The following PTGES3L variants were observed in gnomAD, a reference collection of about 807,000 sequenced individuals.
The protein encoded by PTGES3L is putative protein PTGES3L.
PTGES3L carries 17 observed loss-of-function variants against 25.0 expected under a neutral mutation model. The ratio of observed to expected loss-of-function variants is 0.68; its 90% CI spans 0.47 to 1.02. The LOEUF is 1.02. Among genes scored for constraint, PTGES3L ranks in the 50% least tolerant of loss-of-function variants. The probability of loss-of-function intolerance (pLI) is 0.00; values close to 1 mark genes in which losing one functional copy is unlikely to be tolerated. For missense variants in PTGES3L, 202 were observed against 197.5 expected, an observed-to-expected ratio of 1.02 and a Z score of -0.14; for synonymous variants, 59 against 65.7, an observed-to-expected ratio of 0.90 and a Z score of 0.50.
chr17:42,969,188 T>TG lies in PTGES3L; in HGVS notation c.433-3dup, dbSNP rs747833167. Reference sequence around the variant, plus strand: ...ATCATCAGCACTGTCAGAATCATCCTGGGGGCGGGGGGGAAAAAAGACAAA... The same window carrying TG: ...ATCATCAGCACTGTCAGAATCATCCTGGGGGGCGGGGGGGAAAAAAGACAAA... On this transcript the variant is annotated splice_polypyrimidine_tract_variant and splice_region_variant and intron_variant, in intron 6 of 6. Transcript: ENST00000591916. 3 of 1,012,020 alleles carry TG rather than the reference T, an allele frequency of 3.0e-6. No individual in the cohort carries two copies. The highest frequency in any genetic ancestry group is 3.4e-5 in the African/African-American group (1 of 29,304). 62.7% of individuals were successfully genotyped at this position (1,012,020 alleles called of 1,614,324 possible). A position where few individuals can be genotyped will look rare whatever the true frequency, so the allele number is the denominator to read the frequency against.
chr17:42,973,223 C>T (rs2049885802), intron 4 of PTGES3L, among the ~76,000 whole-genome samples: 2 of 148,644 alleles, frequency 1.3e-5, no homozygotes, highest in African/African-American at 2.5e-5. Context: ...CGGCCAGCCG[C>T]CCCGTCCGGG....
At chr17:42,973,422 G>A (rs1419028574) in intron 4 of PTGES3L, among the ~76,000 whole-genome samples, 6 of 147,898 alleles carry the variant, frequency 4.1e-5, no homozygotes, top group African/African-American at 1.2e-4. Context: ...GGTGAGGGGC[G>A]CCTCTGCCCG....
chr17:42,971,828 C>G (rs548557790), intron 4 of PTGES3L, 132 bp from the exon 5 acceptor site: 3 of 728,314 alleles, frequency 4.1e-6, no homozygotes, highest in African/African-American at 3.6e-5. Flanking sequence ...CCCAACTGCA[C>G]TCCTTTGACC....
At chr17:42,970,462 T>A in intron 5 of PTGES3L, 120 bp from the exon 6 acceptor site, 1 of 1,000,362 alleles carries the variant, frequency 1.0e-6, no homozygotes, top group Non-Finnish European at 1.5e-6. Context: ...CTCCCATCTT[T>A]AAAACATCAC....
At chr17:42,972,513 G>C (rs913558863) in intron 4 of PTGES3L, among the ~76,000 whole-genome samples, 5 of 152,164 alleles carry the variant, frequency 3.3e-5, no homozygotes, top group Admixed American at 6.5e-5. Context: ...TGGTGGAGAC[G>C]GGGTTTCGCT....
At chr17:42,969,722 A>G (rs966041247) in intron 6 of PTGES3L, among the ~76,000 whole-genome samples, 3 of 152,004 alleles carry the variant, frequency 2.0e-5, no homozygotes, top group Non-Finnish European at 1.5e-5. Context: ...ATTTTAATTA[A>G]TGCTATTGCT....
chr17:42,977,627 GAAAA>G (rs2049979602), intron 4 of PTGES3L, among the ~76,000 whole-genome samples: 1 of 15,068 alleles, frequency 6.6e-5, no homozygotes. Context: ...AAGAAAAGAA[GAAAA>G]AGAAAGAAAG....
chr17:42,979,296 G>A, intron 3 of PTGES3L, 28 bp from the exon 4 acceptor site: 4 of 1,614,084 alleles, frequency 2.5e-6, no homozygotes, highest in Non-Finnish European at 3.4e-6. Flanking sequence ...TCATTCTTAG[G>A]GTCTGGGGTT....
chr17:42,976,725 C>G (rs1162121615), intron 4 of PTGES3L, among the ~76,000 whole-genome samples: 1 of 152,090 alleles, frequency 6.6e-6, no homozygotes, highest in Non-Finnish European at 1.5e-5. Context: ...AATCTGAGAG[C>G]CAGATCCAGC....
At chr17:42,969,819 C>G (rs892486629) in intron 6 of PTGES3L, among the ~76,000 whole-genome samples, 2 of 151,944 alleles carry the variant, frequency 1.3e-5, no homozygotes, top group Admixed American at 1.3e-4. Context: ...TTTTCTAAAG[C>G]CTGGAGAAGA....
chr17:42,968,977 G>A lies in PTGES3L; in HGVS notation c.*171C>T. ...ATGTGGAGCCATAGTCAAGTGCCTA[G>A]GAGGAAGACAAGCTTGAAGGACGAC... is the stretch of plus-strand genomic sequence containing the variant. On this transcript the variant is annotated 3_prime_UTR_variant, in exon 7 of 7. Coordinates refer to ENST00000591916, the MANE Select transcript of PTGES3L (RefSeq NM_001261430.2). 2 of 569,944 alleles carry A rather than the reference G, an allele frequency of 3.5e-6. No individual in the cohort carries two copies. Among genetic ancestry groups the A allele is most frequent in the Non-Finnish European group, 6.3e-6 (2 of 318,316 alleles). The allele number at this position is 569,944 out of a possible 1,614,324, so 35.3% of individuals were successfully genotyped here. A position where few individuals can be genotyped will look rare whatever the true frequency, so the allele number is the denominator to read the frequency against.
chr17:42,978,077 CAAAAAAAAA>C (rs368420097), intron 4 of PTGES3L, among the ~76,000 whole-genome samples: 10 of 47,402 alleles, frequency 2.1e-4, no homozygotes, highest in African/African-American at 6.2e-4. Flanking sequence ...AACTCCGAAT[CAAAAAAAAA>C]AAAAAAAAAA....
chr17:42,971,225 G>C (rs1212069315), intron 5 of PTGES3L, among the ~76,000 whole-genome samples: 1 of 151,638 alleles, frequency 6.6e-6, no homozygotes, highest in Non-Finnish European at 1.5e-5. Context: ...TGAACCCAGA[G>C]GCAGAGGTTG....
chr17:42,969,188 T>A lies in PTGES3L; in HGVS notation c.433-2A>T. On this transcript the variant is annotated splice_acceptor_variant, in intron 6 of 6. Transcript: ENST00000591916. LOFTEE classifies it high-confidence loss of function. ...ATCATCAGCACTGTCAGAATCATCCTGGGGGCGGGGGGGAAAAAAGACAAA... is the reference window on the plus strand; with the variant it reads ...ATCATCAGCACTGTCAGAATCATCCAGGGGGCGGGGGGGAAAAAAGACAAA... The A allele has an allele frequency of 1.2e-5, 12 of 1,011,836 alleles. No homozygotes were observed. Among genetic ancestry groups the A allele is most frequent in the Non-Finnish European group, 1.5e-5 (11 of 737,424 alleles). 62.7% of individuals were successfully genotyped at this position (1,011,836 alleles called of 1,614,324 possible).
intron 4 of PTGES3L, among the ~76,000 whole-genome samples, chr17:42,977,687 G>GAAAGA (rs2049983502): frequency 8.0e-6 from 1 of 124,772 alleles, no homozygotes; most frequent in Non-Finnish European, 1.6e-5. Flanking sequence ...GAGAGAGAAA[G>GAAAGA]AAAGAAAAGA....
At chr17:42,979,902 C>T (rs1009223174) in intron 1 of PTGES3L, 144 bp downstream of exon 1, 2 of 1,445,992 alleles carry the variant, frequency 1.4e-6, no homozygotes, top group African/African-American at 1.4e-5. Context: ...ATTCAGGTCA[C>T]ACCTTCCCTC....
intron 6 of PTGES3L, among the ~76,000 whole-genome samples, chr17:42,969,876 C>T (rs1485905020): frequency 6.6e-6 from 1 of 151,214 alleles, no homozygotes; most frequent in Non-Finnish European, 1.5e-5. Flanking sequence ...CCTGTAATCC[C>T]AATACTTTGG....
In PTGES3L at chr17:42,969,197, G is replaced by A. The variant is rs760909566; in HGVS notation, c.433-11C>T. On this transcript the variant is annotated splice_polypyrimidine_tract_variant and intron_variant, in intron 6 of 6. Coordinates refer to ENST00000591916, the MANE Select transcript of PTGES3L (RefSeq NM_001261430.2). ...ACTGTCAGAATCATCCTGGGGGCGG[G>A]GGGGAAAAAAGACAAAGCACCTGTA... The A allele has an allele frequency of 4.5e-5, 64 of 1,420,764 alleles. No homozygotes were observed. In the East Asian group the frequency reaches 8.5e-4, roughly 19 times the overall value. The allele number at this position is 1,420,764 out of a possible 1,614,324, so 88.0% of individuals were successfully genotyped here.
At chr17:42,974,062 G>A (rs2049910357) in intron 4 of PTGES3L, among the ~76,000 whole-genome samples, 1 of 150,540 alleles carries the variant, frequency 6.6e-6, no homozygotes, top group Non-Finnish European at 1.5e-5. Flanking sequence ...CAACCAATAA[G>A]ACAGACAAGC....
Sources: gnomAD v4.1 joint callset for allele counts (sites outside exome capture counted in the v4.1 genomes callset) on GRCh38, gnomAD v4.1.1 for gene constraint, MANE v1.5 for transcripts, NCBI Gene and HGNC (gene_info 2026-07-23, HGNC 2026-07-21) for gene names.